The following PRSS3 variants were observed in gnomAD, a reference collection of about 807,000 sequenced individuals.
PRSS3 encodes serine protease 3.
A neutral mutation model predicts 20.8 loss-of-function variants in PRSS3; 14 were observed. The ratio of observed to expected loss-of-function variants is 0.67; its 90% CI spans 0.44 to 1.05. The LOEUF is 1.05. Ranked by LOEUF, PRSS3 falls within the 50% of genes least tolerant of loss-of-function variation. The pLI, the probability that PRSS3 is intolerant of heterozygous loss-of-function variation, is 0.00. For synonymous variants in PRSS3, 91 were observed against 117.6 expected, an observed-to-expected ratio of 0.77 and a Z score of 1.46; for missense variants, 237 against 306.4, an observed-to-expected ratio of 0.77 and a Z score of 1.69.
intron 1 of PRSS3, among the ~76,000 whole-genome samples, chr9:33,765,318 A>G (rs1479528227): frequency 6.6e-6 from 1 of 152,252 alleles, no homozygotes; most frequent in Admixed American, 6.5e-5. Flanking sequence ...TAGTAGGACT[A>G]TATTAGAACT....
At chr9:33,783,382 A>T (rs1407504912) in intron 1 of PRSS3, among the ~76,000 whole-genome samples, 3 of 152,208 alleles carry the variant, frequency 2.0e-5, no homozygotes, top group Non-Finnish European at 2.9e-5. Context: ...AGTTAATTAT[A>T]TGTGTGCTGA....
chr9:33,780,083 A>G (rs1041319299), intron 1 of PRSS3, among the ~76,000 whole-genome samples: 5 of 152,032 alleles, frequency 3.3e-5, no homozygotes, highest in African/African-American at 1.2e-4. Flanking sequence ...TAGTTACTAT[A>G]TAAGACAACT....
chr9:33,778,351 T>C (rs1419536834), intron 1 of PRSS3, among the ~76,000 whole-genome samples: 2 of 152,178 alleles, frequency 1.3e-5, no homozygotes, highest in Admixed American at 6.5e-5. Flanking sequence ...CTATTCCATA[T>C]TGTACTGATG....
At chr9:33,762,262 T>C (rs1823240981) in intron 1 of PRSS3, 1 of 152,170 alleles carries the variant, frequency 6.6e-6, no homozygotes, top group Admixed American at 6.5e-5. Flanking sequence ...CTTCTGACCG[T>C]GCTGTTCCAA....
intron 1 of PRSS3, among the ~76,000 whole-genome samples, chr9:33,781,259 A>G (rs928152446): frequency 4.6e-5 from 7 of 152,224 alleles, no homozygotes; most frequent in African/African-American, 1.7e-4. Flanking sequence ...GCAATTCACA[A>G]TAGCAAAGAC....
At chr9:33,789,149 G>T (rs758992736) in intron 1 of PRSS3, among the ~76,000 whole-genome samples, 104 of 152,180 alleles carry the variant, frequency 6.8e-4, no homozygotes, top group Admixed American at 2.0e-3. Flanking sequence ...TTTGCATCTG[G>T]TTTTTAGTAG....
intron 1 of PRSS3, among the ~76,000 whole-genome samples, chr9:33,769,451 G>A (rs926016222): frequency 1.3e-4 from 20 of 152,170 alleles, no homozygotes; most frequent in African/African-American, 4.1e-4. Context: ...CCTATGGATT[G>A]CATAGGAGGC....
intron 1 of PRSS3, among the ~76,000 whole-genome samples, chr9:33,795,932 A>T (rs1486722841): frequency 6.6e-6 from 1 of 152,222 alleles, no homozygotes; most frequent in Non-Finnish European, 1.5e-5. Flanking sequence ...GTATAGCACC[A>T]CTATAGCTGC....
intron 1 of PRSS3, among the ~76,000 whole-genome samples, chr9:33,774,368 A>T (rs887701414): frequency 2.0e-5 from 3 of 152,208 alleles, no homozygotes; most frequent in Non-Finnish European, 4.4e-5. Context: ...ATAAATTTCT[A>T]CAGACATGCT....
chr9:33,757,405 C>T (rs1320776015), intron 1 of PRSS3, among the ~76,000 whole-genome samples: 1 of 152,048 alleles, frequency 6.6e-6, no homozygotes, highest in Admixed American at 6.5e-5. Context: ...TGAAGGTAAC[C>T]CTCCAAATCC....
chr9:33,799,125 C>T lies in PRSS3; in HGVS notation c.689C>T (p.Thr230Ile). ...CAWKNRPGVYTKVYNYVDWIK... is the reference protein window; with the variant it reads ...CAWKNRPGVYIKVYNYVDWIK... ...TGGAAGAACAGGCCTGGAGTCTACACCAAGGTCTACAACTATGTGGACTGG... is the reference window on the plus strand; with the variant it reads ...TGGAAGAACAGGCCTGGAGTCTACATCAAGGTCTACAACTATGTGGACTGG... Residue 230 changes from threonine to isoleucine, a missense_variant, in exon 5 of 5, where the codon ACC (threonine) becomes ATC (isoleucine). Coordinates refer to ENST00000379405, the MANE Select transcript of PRSS3 (RefSeq NM_002771.4). The T allele has an allele frequency of 6.2e-7, 1 of 1,614,210 alleles. No homozygotes were observed. Among genetic ancestry groups the T allele is most frequent in the Middle Eastern group, 1.6e-4 (1 of 6,062 alleles).
At chr9:33,793,778 G>T (rs1824750237), upstream of PRSS3, 1 of 794,966 alleles carries the variant, frequency 1.3e-6, no homozygotes, top group Non-Finnish European at 1.5e-6. Flanking sequence ...CTGAATCTCA[G>T]TCTCTTCCTC....
chr9:33,761,614 G>A (rs1823211410), intron 1 of PRSS3, among the ~76,000 whole-genome samples: 1 of 152,122 alleles, frequency 6.6e-6, no homozygotes, highest in South Asian at 2.1e-4. Flanking sequence ...GCTGAGACAG[G>A]AGAATAGCTT....
chr9:33,794,745 G>T (rs1824819876), upstream of PRSS3: 1 of 1,546,918 alleles, frequency 6.5e-7, no homozygotes. Flanking sequence ...CCTAAGTGCA[G>T]GTTGCCAGGA....
intron 1 of PRSS3, among the ~76,000 whole-genome samples, chr9:33,777,113 C>T (rs10814047): frequency 0.35 from 52,821 of 151,600 alleles, 9,386 homozygotes; most frequent in East Asian, 0.54. Flanking sequence ...TTTAAAAAAG[C>T]GAATACCAGA....
At chr9:33,785,965 G>A (rs3925857) in intron 1 of PRSS3, 140,088 of 195,610 alleles carry the variant, frequency 0.72, 50,479 homozygotes, top group East Asian at 0.8. Flanking sequence ...TTCAGTAATG[G>A]CAGATGGAAA....
intron 1 of PRSS3, chr9:33,786,028 T>G (rs1485416329): frequency 4.0e-6 from 1 of 248,680 alleles, no homozygotes; most frequent in Non-Finnish European, 7.6e-6. Flanking sequence ...GGCTTGTGCA[T>G]GAAGACTCAT....
chr9:33,793,586 A>T (rs980542121), upstream of PRSS3: 1 of 691,214 alleles, frequency 1.4e-6, no homozygotes, highest in African/African-American at 2.0e-5. Context: ...CAGGAAGAAA[A>T]GCAGGAGGAA....
chr9:33,797,306 A>G (rs1458456212), intron 2 of PRSS3, among the ~76,000 whole-genome samples: 1 of 152,186 alleles, frequency 6.6e-6, no homozygotes, highest in Admixed American at 6.5e-5. Flanking sequence ...ACTGGGTCCC[A>G]TCCCCAAGGT....
Sources: allele counts gnomAD v4.1 joint callset (sites outside exome capture counted in the v4.1 genomes callset), GRCh38; gene constraint gnomAD v4.1.1; transcripts MANE v1.5; gene names NCBI Gene and HGNC (gene_info 2026-07-23, HGNC 2026-07-21).